PKIG: variants seen among roughly 807,000 people sequenced by gnomAD.
The protein encoded by PKIG is cAMP-dependent protein kinase inhibitor gamma, also known as protein kinase (cAMP-dependent, catalytic) inhibitor gamma.
In PKIG, 1 loss-of-function variant was observed where a neutral mutation model predicts 6.8. The observed-to-expected ratio is 0.15, with a 90% CI of 0.05 to 0.69. PKIG has a LOEUF of 0.69. Ranked by LOEUF, PKIG falls within the 30% of genes least tolerant of loss-of-function variation. The pLI is 0.82. For missense variants in PKIG, 77 were observed against 104.0 expected (o/e 0.74, Z 1.13); for synonymous variants, 39 against 43.0 (o/e 0.91, Z 0.36).
chr20:44,576,265 G>A (rs985103890), intron 1 of PKIG, among the ~76,000 whole-genome samples: 1 of 151,616 alleles, frequency 6.6e-6, no homozygotes, highest in African/African-American at 2.4e-5. Context: ...TGGGATAGAT[G>A]TATTCAGTGA....
chr20:44,578,023 AG>A (rs935517433), upstream of PKIG, among the ~76,000 whole-genome samples: 2 of 151,972 alleles, frequency 1.3e-5, no homozygotes, highest in African/African-American at 4.8e-5. Context: ...AGTTCAAGTG[AG>A]AACTGGTTAT....
upstream of PKIG, among the ~76,000 whole-genome samples, chr20:44,579,833 A>G (rs2064932392): frequency 6.6e-6 from 1 of 152,188 alleles, no homozygotes; most frequent in Non-Finnish European, 1.5e-5. Context: ...TGTTCAAGTA[A>G]CAAAACATGA....
chr20:44,535,393 C>G (rs1366997202), intron 1 of PKIG, among the ~76,000 whole-genome samples: 1 of 152,210 alleles, frequency 6.6e-6, no homozygotes, highest in African/African-American at 2.4e-5. Flanking sequence ...GTAATCCCAG[C>G]ACTTTGGGAG....
At chr20:44,603,523 T>A (rs1199342669) in intron 2 of PKIG, among the ~76,000 whole-genome samples, 1 of 151,624 alleles carries the variant, frequency 6.6e-6, no homozygotes, top group African/African-American at 2.4e-5. Context: ...CCTCAGAGAT[T>A]TGTAATGTCA....
At chr20:44,594,157 C>T (rs1600883158) in intron 2 of PKIG, among the ~76,000 whole-genome samples, 1 of 152,152 alleles carries the variant, frequency 6.6e-6, no homozygotes, top group African/African-American at 2.4e-5. Flanking sequence ...TTTAGCTCCA[C>T]ATCTTCTATT....
chr20:44,601,340 G>A (rs1021644603), intron 2 of PKIG, among the ~76,000 whole-genome samples: 2 of 152,260 alleles, frequency 1.3e-5, no homozygotes, highest in Non-Finnish European at 2.9e-5. Context: ...AATGGCAACA[G>A]GCACTGCCCA....
At chr20:44,597,863 T>TA (rs2065088160) in intron 2 of PKIG, among the ~76,000 whole-genome samples, 1 of 152,230 alleles carries the variant, frequency 6.6e-6, no homozygotes. Context: ...AGAAGACTCT[T>TA]ACCTCCCTTA....
chr20:44,575,343 G>A (rs560555712), intron 1 of PKIG, among the ~76,000 whole-genome samples: 20 of 152,136 alleles, frequency 1.3e-4, no homozygotes, highest in East Asian at 1.9e-4. Flanking sequence ...CTCTGCCTCC[G>A]GAGTAGCTGA....
intron 1 of PKIG, among the ~76,000 whole-genome samples, chr20:44,568,575 C>T (rs376039575): frequency 9.2e-5 from 14 of 151,972 alleles, no homozygotes; most frequent in African/African-American, 1.7e-4. Context: ...CTCAGCCTCA[C>T]GAGTAGCTGA....
At chr20:44,562,297 A>T (rs2064773587) in intron 1 of PKIG, among the ~76,000 whole-genome samples, 1 of 152,178 alleles carries the variant, frequency 6.6e-6, no homozygotes, top group Non-Finnish European at 1.5e-5. Context: ...AGAAATAAAG[A>T]AAGGAGCACA....
chr20:44,615,772 A>G (rs1036170973), intron 3 of PKIG, among the ~76,000 whole-genome samples: 1 of 151,286 alleles, frequency 6.6e-6, no homozygotes, highest in African/African-American at 2.4e-5. Context: ...GAAGTGAATC[A>G]AAAGTACAGA....
intron 2 of PKIG, among the ~76,000 whole-genome samples, chr20:44,596,093 C>T (rs115809674): frequency 3.2e-4 from 49 of 152,246 alleles, no homozygotes; most frequent in African/African-American, 1.1e-3. Context: ...AGGAGCTGTG[C>T]TATATTTCAA....
intron 1 of PKIG, among the ~76,000 whole-genome samples, chr20:44,538,334 A>G (rs913980007): frequency 1.3e-5 from 2 of 152,210 alleles, no homozygotes; most frequent in Non-Finnish European, 2.9e-5. Context: ...CCCATTTTCA[A>G]ATGAGAAAAT....
At chr20:44,597,496 G>C (rs1030819031) in intron 2 of PKIG, among the ~76,000 whole-genome samples, 1 of 152,142 alleles carries the variant, frequency 6.6e-6, no homozygotes, top group African/African-American at 2.4e-5. Context: ...TTTTCTGAAG[G>C]AATGGATGAA....
intron 1 of PKIG, among the ~76,000 whole-genome samples, chr20:44,536,346 T>C (rs1030760553): frequency 3.3e-5 from 5 of 152,222 alleles, no homozygotes; most frequent in Non-Finnish European, 5.9e-5. Flanking sequence ...GCCCTAATTT[T>C]CCTTTTTTAT....
At chr20:44,586,557 C>G (rs2064991699) in intron 1 of PKIG, among the ~76,000 whole-genome samples, 1 of 152,202 alleles carries the variant, frequency 6.6e-6, no homozygotes, top group African/African-American at 2.4e-5. Context: ...AGGACCCTAG[C>G]CCAGCCACTT....
At chr20:44,564,189 A>G (rs1391142581) in intron 1 of PKIG, 1 of 152,180 alleles carries the variant, frequency 6.6e-6, no homozygotes, top group African/African-American at 2.4e-5. Context: ...TCTCAGTCAG[A>G]TGGAGAGATT....
chr20:44,602,311 G>A (rs1487144571), intron 2 of PKIG, among the ~76,000 whole-genome samples: 2 of 152,152 alleles, frequency 1.3e-5, no homozygotes, highest in African/African-American at 4.8e-5. Context: ...GGCCTTTCCT[G>A]ATCATACAGC....
intron 1 of PKIG, among the ~76,000 whole-genome samples, chr20:44,541,814 G>T (rs146552516): frequency 1.3e-5 from 2 of 150,840 alleles, no homozygotes; most frequent in South Asian, 2.1e-4. Context: ...TCAGCCTCCC[G>T]AGTAGCTGGG....
Sources: allele counts gnomAD v4.1 joint callset (sites outside exome capture counted in the v4.1 genomes callset), GRCh38; gene constraint gnomAD v4.1.1; transcripts MANE v1.5; gene names NCBI Gene and HGNC (gene_info 2026-07-23, HGNC 2026-07-21).